The following ZNF79 variants were observed in gnomAD, a reference collection of about 807,000 sequenced individuals.
ZNF79 encodes zinc finger protein 79.
Under a neutral mutation model 14.9 loss-of-function variants are expected in ZNF79, and 13 were observed. That is an observed-to-expected ratio of 0.87 (90% CI 0.57 to 1.38). The LOEUF is 1.38. ZNF79 is among the 40% of genes most tolerant of loss of function. The pLI is 0.00. For synonymous variants in ZNF79, 223 were observed against 235.1 expected (o/e 0.95, Z 0.47); for missense variants, 631 against 630.6 (o/e 1.00, Z -0.01).
chr9:127,444,971 A>G lies in ZNF79; in HGVS notation c.1271A>G (p.Lys424Arg), dbSNP rs1179866627. 4.3e-6 allele frequency: 7 copies of G among 1,614,094 alleles called. No homozygotes were observed. In the African/African-American group the frequency reaches 9.3e-5, roughly 22 times the overall value. ...EKPYKCNECG[K>R]FFSESSALIR... ...CCATATAAATGTAATGAATGTGGGA[A>G]ATTCTTCAGTGAGAGCTCAGCCCTC... The change falls in exon 5 of 5, where the codon AAA (lysine) becomes AGA (arginine). Residue 424 changes from lysine to arginine, a missense_variant. Lys to Arg is a conservative substitution (Grantham distance 26, BLOSUM62 2). Transcript: ENST00000342483.
intron 4 of ZNF79, among the ~76,000 whole-genome samples, chr9:127,439,988 G>A (rs372979780): frequency 1.3e-5 from 2 of 151,958 alleles, no homozygotes; most frequent in Non-Finnish European, 1.5e-5. Context: ...CCAGCCTCCC[G>A]AGTAGCTGGG....
At chr9:127,430,162 T>C (rs1833834827) in intron 2 of ZNF79, among the ~76,000 whole-genome samples, 1 of 152,222 alleles carries the variant, frequency 6.6e-6, no homozygotes, top group South Asian at 2.1e-4. Context: ...TGTATTCTGC[T>C]CTGTAATGTT....
intron 3 of ZNF79, among the ~76,000 whole-genome samples, chr9:127,435,642 C>G (rs1219338737): frequency 6.6e-6 from 1 of 152,056 alleles, no homozygotes; most frequent in African/African-American, 2.4e-5. Flanking sequence ...TTTGGGAGGC[C>G]AAGGTGGAAC....
intron 2 of ZNF79, among the ~76,000 whole-genome samples, chr9:127,432,677 T>C (rs1564232827): frequency 6.6e-6 from 1 of 152,166 alleles, no homozygotes; most frequent in Non-Finnish European, 1.5e-5. Context: ...TAGGGTTTGA[T>C]AGCTCTGTCA....
At chr9:127,425,072 CCA>C (rs1375063478) in intron 1 of ZNF79, among the ~76,000 whole-genome samples, 1 of 152,124 alleles carries the variant, frequency 6.6e-6, no homozygotes, top group Non-Finnish European at 1.5e-5. Flanking sequence ...ACCACGTACC[CCA>C]GTCTGCCCAG....
chr9:127,435,056 C>T, intron 2 of ZNF79, 34 bp from the exon 3 acceptor site: 1 of 1,591,014 alleles, frequency 6.3e-7, no homozygotes, highest in East Asian at 2.3e-5. Context: ...GATCCTAAGG[C>T]CACTGGCAAG....
chr9:127,445,120 G>T lies in ZNF79; in HGVS notation c.1420G>T (p.Glu474Ter). 1 of 1,608,744 alleles carries T rather than the reference G, an allele frequency of 6.2e-7. No homozygotes were observed. The highest frequency in any genetic ancestry group is 8.5e-7 in the Non-Finnish European group (1 of 1,178,326). ...AATCCACACAGGCGTGAAACCCTACGAATGCAGCGAGTGTGGGAAGGCCTT... is the reference window on the plus strand; with the variant it reads ...AATCCACACAGGCGTGAAACCCTACTAATGCAGCGAGTGTGGGAAGGCCTT... ...QRIHTGVKPY[E>*]CSECGKAFRC... The change falls in exon 5 of 5, where the codon GAA (glutamate) becomes TAA (stop). Residue 474 changes from glutamate (E) to a stop codon, truncating the protein, a stop_gained. Coordinates refer to ENST00000342483, the MANE Select transcript of ZNF79 (RefSeq NM_007135.3). LOFTEE classifies it high-confidence loss of function.
In ZNF79 at chr9:127,435,118, T is replaced by C. The variant is rs1192182343; in HGVS notation, c.134T>C (p.Val45Ala). Residue 45 changes from valine to alanine, a missense_variant, in exon 3 of 5, where the codon GTA becomes GCA. Coordinates refer to ENST00000342483, the MANE Select transcript of ZNF79 (RefSeq NM_007135.3). ...TCCACATTCTTCAGCAGTGTGACGGTAGCTTTTGCACAGGAAAGGTGGAGG... is the reference window on the plus strand; with the variant it reads ...TCCACATTCTTCAGCAGTGTGACGGCAGCTTTTGCACAGGAAAGGTGGAGG... Reference protein sequence around the residue: ...RGSTFFSSVTVAFAQERWRCL... With the variant: ...RGSTFFSSVTAAFAQERWRCL... 1.2e-6 allele frequency: 2 copies of C among 1,612,688 alleles called. No individual in the cohort carries two copies. Among genetic ancestry groups the C allele is most frequent in the Non-Finnish European group, 1.7e-6 (2 of 1,179,376 alleles).
At chr9:127,429,700 C>A (rs1833826245) in intron 2 of ZNF79, among the ~76,000 whole-genome samples, 1 of 151,984 alleles carries the variant, frequency 6.6e-6, no homozygotes, top group Admixed American at 6.6e-5. Context: ...ATGTTCCCCA[C>A]AGAAAACCTG....
intron 2 of ZNF79, 111 bp from the exon 3 acceptor site, chr9:127,434,979 C>G (rs1175304284): frequency 1.5e-6 from 2 of 1,340,158 alleles, no homozygotes. Context: ...ACCCAGAGAC[C>G]TGAATCTTTT....
rs187574805 is a variant in ZNF79, at chr9:127,435,116, G to A, written c.132G>A (p.Thr44=). The change falls in exon 3 of 5, where the codon ACG becomes ACA. Residue 44 remains threonine (T), a synonymous_variant. Coordinates refer to ENST00000342483, the MANE Select transcript of ZNF79 (RefSeq NM_007135.3). ...GATCCACATTCTTCAGCAGTGTGAC[G>A]GTAGCTTTTGCACAGGAAAGGTGGA... ...PRGSTFFSSV[T]VAFAQERWRC... is the part of the protein sequence containing the mutation. 6.2e-6 allele frequency: 10 copies of A among 1,612,538 alleles called. No individual in the cohort carries two copies. The East Asian group carries it at 1.1e-4, about 18-fold the overall frequency.
At chr9:127,433,339 G>A (rs1358336384) in intron 2 of ZNF79, among the ~76,000 whole-genome samples, 1 of 152,162 alleles carries the variant, frequency 6.6e-6, no homozygotes, top group Non-Finnish European at 1.5e-5. Context: ...TGCTGGCTTG[G>A]CCAGCTAGGT....
At chr9:127,432,947 GT>G (rs1833886412) in intron 2 of ZNF79, among the ~76,000 whole-genome samples, 1 of 151,776 alleles carries the variant, frequency 6.6e-6, no homozygotes, top group Admixed American at 6.6e-5. Flanking sequence ...ATATTTTTTA[GT>G]TTTTTGTATT....
At chr9:127,439,988 G>C (rs372979780) in intron 4 of ZNF79, among the ~76,000 whole-genome samples, 1 of 151,958 alleles carries the variant, frequency 6.6e-6, no homozygotes, top group Admixed American at 6.6e-5. Context: ...CCAGCCTCCC[G>C]AGTAGCTGGG....
At chr9:127,424,831 C>A in intron 1 of ZNF79, 28 bp downstream of exon 1, 1 of 1,613,610 alleles carries the variant, frequency 6.2e-7, no homozygotes, top group Non-Finnish European at 8.5e-7. Flanking sequence ...GAGCGATTGT[C>A]AAGAGATCGG....
rs547854644 is a variant in ZNF79 at position 127,442,606 on chromosome 9, T to C, written c.329-1423T>C. Among the ~76,000 whole-genome samples the C allele has an allele frequency of 4.6e-5, 7 of 152,036 alleles. No individual in the cohort carries two copies. The East Asian group carries it at 1.4e-3, about 30-fold the overall frequency. ...GCACTTAGGCTACACTAAGTTTACTTTACACATTTTTCTTTGGGAGGCTGA... is the reference window on the plus strand; with the variant it reads ...GCACTTAGGCTACACTAAGTTTACTCTACACATTTTTCTTTGGGAGGCTGA... On this transcript the variant is annotated intron_variant, in intron 4 of 4. Transcript: ENST00000342483.
Position 127,424,981 on chromosome 9 carries a change from C to A in ZNF79, c.16+178C>A. 2 of 1,454,784 alleles carry A rather than the reference C, an allele frequency of 1.4e-6. 1 individual carries two copies. Among genetic ancestry groups the A allele is most frequent in the South Asian group, 2.8e-5 (2 of 70,920 alleles). The allele number at this position is 1,454,784 out of a possible 1,614,324, so 90.1% of individuals were successfully genotyped here. ...CCCAGGAGATCCTGAGAACATGTGC[C>A]CCTACAGTCCTTTTTTGAGTAAAGA... On this transcript the variant is annotated intron_variant, in intron 1 of 4. Coordinates refer to ENST00000342483, the MANE Select transcript of ZNF79 (RefSeq NM_007135.3).
chr9:127,445,312 C>G lies in ZNF79; in HGVS notation c.*115C>G. ...CATCTGAAGACATCTAACTTAGAGT[C>G]TGCAGCCCAGAGCCACATGCAAAAC... On this transcript the variant is annotated 3_prime_UTR_variant, in exon 5 of 5. Coordinates refer to ENST00000342483, the MANE Select transcript of ZNF79 (RefSeq NM_007135.3). 1.7e-6 allele frequency: 2 copies of G among 1,173,500 alleles called. No homozygotes were observed. The highest frequency in any genetic ancestry group is 1.2e-6 in the Non-Finnish European group (1 of 837,848). The allele number at this position is 1,173,500 out of a possible 1,614,324, so 72.7% of individuals were successfully genotyped here.
chr9:127,429,667 T>C (rs890771998), intron 2 of ZNF79, among the ~76,000 whole-genome samples: 1 of 151,942 alleles, frequency 6.6e-6, no homozygotes, highest in Non-Finnish European at 1.5e-5. Flanking sequence ...TTTACAAGTT[T>C]TCTGCAATGA....
Sources: allele counts gnomAD v4.1 joint callset (sites outside exome capture counted in the v4.1 genomes callset), GRCh38; gene constraint gnomAD v4.1.1; transcripts MANE v1.5; gene names NCBI Gene and HGNC (gene_info 2026-07-23, HGNC 2026-07-21).